The following HIVEP2 variants were observed in gnomAD, a reference collection of about 807,000 sequenced individuals.
HIVEP2 encodes HIVEP zinc finger 2.
In HIVEP2, 14 loss-of-function variants were observed where a neutral mutation model predicts 180.7. The observed-to-expected ratio is 0.08, with a 90% CI of 0.05 to 0.12. The LOEUF is 0.12. Ranked by LOEUF, HIVEP2 falls within the 10% of genes least tolerant of loss-of-function variation. HIVEP2 has a pLI of 1.00. For synonymous variants in HIVEP2, 1,184 were observed against 1,136.4 expected (o/e 1.04, Z -0.84); for missense variants, 2,579 against 3,008.5 (o/e 0.86, Z 3.34).
chr6:142,768,292 G>T, intron 6 of HIVEP2, 90 bp downstream of exon 6: 4 of 1,241,544 alleles, frequency 3.2e-6, no homozygotes, highest in South Asian at 1.5e-5. Context: ...CTTTCAACCA[G>T]ATTAGACAGT....
At chr6:142,763,031 G>T (rs1018090506) in intron 7 of HIVEP2, among the ~76,000 whole-genome samples, 14 of 152,208 alleles carry the variant, frequency 9.2e-5, no homozygotes, top group African/African-American at 3.1e-4. Flanking sequence ...CGCTATGGAT[G>T]TGTATAGGTA....
chr6:142,901,113 T>A (rs1257446700), intron 1 of HIVEP2, among the ~76,000 whole-genome samples: 2 of 152,234 alleles, frequency 1.3e-5, no homozygotes, highest in African/African-American at 4.8e-5. Context: ...TCATAGAAGC[T>A]GCTAGCAAAC....
chr6:142,822,866 T>C (rs1777077178), intron 2 of HIVEP2, among the ~76,000 whole-genome samples: 1 of 152,166 alleles, frequency 6.6e-6, no homozygotes, highest in Non-Finnish European at 1.5e-5. Context: ...GGAAATGAGT[T>C]ACCCAAACAC....
chr6:142,813,397 TC>T (rs1296968401), intron 2 of HIVEP2, among the ~76,000 whole-genome samples: 1 of 152,180 alleles, frequency 6.6e-6, no homozygotes, highest in Non-Finnish European at 1.5e-5. Context: ...ATTCTGAAAA[TC>T]ATTCACACTT....
chr6:142,910,526 C>T (rs1310839913), intron 1 of HIVEP2, among the ~76,000 whole-genome samples: 1 of 152,192 alleles, frequency 6.6e-6, no homozygotes, highest in African/African-American at 2.4e-5. Flanking sequence ...TGTTTGAACC[C>T]GGCAGGCAGA....
At chr6:142,879,096 T>C (rs1776519438) in intron 1 of HIVEP2, among the ~76,000 whole-genome samples, 1 of 152,160 alleles carries the variant, frequency 6.6e-6, no homozygotes, top group African/African-American at 2.4e-5. Context: ...GAGTCATTGG[T>C]AAATTACGAA....
Position 142,768,675 on chromosome 6 carries a change from A to G in HIVEP2, c.5188-139T>C, listed in dbSNP as rs115374917. 2.1e-3 allele frequency: 1,468 copies of G among 709,546 alleles called. 15 individuals are homozygous for G. In the African/African-American group the frequency reaches 0.024, roughly 11 times the overall value. 44.0% of individuals were successfully genotyped at this position (709,546 alleles called of 1,614,324 possible). On this transcript the variant is annotated intron_variant, in intron 5 of 9. Coordinates refer to ENST00000367603, the MANE Select transcript of HIVEP2 (RefSeq NM_006734.4). ...CAGGAACTAGTTATATAAAATAAGG[A>G]CCACTAGGGATAAAATCAGATAAGA...
intron 1 of HIVEP2, among the ~76,000 whole-genome samples, chr6:142,839,442 A>G (rs1042499072): frequency 1.3e-5 from 2 of 152,094 alleles, no homozygotes; most frequent in African/African-American, 4.8e-5. Flanking sequence ...AAATCTAAGG[A>G]CATCTGACCT....
At chr6:142,936,296 G>A (rs1036215197) in intron 1 of HIVEP2, among the ~76,000 whole-genome samples, 5 of 151,578 alleles carry the variant, frequency 3.3e-5, no homozygotes, top group Admixed American at 6.6e-5. Context: ...GGGTTCAGGC[G>A]ATTCTCCTGT....
chr6:142,862,473 TTATAA>T (rs1776006930), intron 1 of HIVEP2, among the ~76,000 whole-genome samples: 1 of 138,074 alleles, frequency 7.2e-6, no homozygotes, highest in African/African-American at 2.6e-5. Flanking sequence ...ATCATATATT[TTATAA>T]TACATATAAT....
intron 1 of HIVEP2, among the ~76,000 whole-genome samples, chr6:142,904,499 C>G (rs1777214804): frequency 6.6e-6 from 1 of 152,130 alleles, no homozygotes; most frequent in African/African-American, 2.4e-5. Flanking sequence ...GGTGCAGTAT[C>G]AGAGGTGAAT....
intron 7 of HIVEP2, among the ~76,000 whole-genome samples, chr6:142,764,560 C>T (rs1420697045): frequency 1.3e-5 from 2 of 152,198 alleles, no homozygotes; most frequent in Non-Finnish European, 2.9e-5. Flanking sequence ...TAGCCACTTC[C>T]TTTGGAGACA....
At chr6:142,850,595 T>C (rs1775623087) in intron 1 of HIVEP2, among the ~76,000 whole-genome samples, 1 of 152,142 alleles carries the variant, frequency 6.6e-6, no homozygotes. Context: ...CACTGAAAAA[T>C]ATCAAAACTA....
rs144732790 is a variant in HIVEP2, at chr6:142,753,495, G to A, written c.6953C>T (p.Thr2318Ile). 6.2e-7 allele frequency: 1 copy of A among 1,614,148 alleles called. No individual in the cohort carries two copies. Among genetic ancestry groups the A allele is most frequent in the Non-Finnish European group, 8.5e-7 (1 of 1,180,048 alleles). ...QSTSEDSLNA[T>I]EREQEENIQT... ...TATATTTTCCTCCTGTTCCCGCTCT[G>A]TTGCGTTTAGGCTGTCTTCCGAAGT... Residue 2318 changes from threonine (T) to isoleucine (I), a missense_variant, in exon 10 of 10, where the codon ACA becomes ATA. By Grantham distance (89) the Thr-to-Ile change is moderately conservative. Transcript: ENST00000367603.
intron 2 of HIVEP2, among the ~76,000 whole-genome samples, chr6:142,792,144 A>C (rs1776153047): frequency 1.3e-5 from 2 of 152,190 alleles, no homozygotes; most frequent in Non-Finnish European, 2.9e-5. Flanking sequence ...TGGCAGACAC[A>C]GAGAGACATC....
At chr6:142,831,729 T>C (rs558516896) in intron 2 of HIVEP2, among the ~76,000 whole-genome samples, 2 of 152,352 alleles carry the variant, frequency 1.3e-5, no homozygotes, top group East Asian at 3.9e-4. Flanking sequence ...AGGGGTTTGT[T>C]ACTCTTTTAC....
At chr6:142,795,175 C>T (rs1309719194) in intron 2 of HIVEP2, among the ~76,000 whole-genome samples, 1 of 151,826 alleles carries the variant, frequency 6.6e-6, no homozygotes, top group Non-Finnish European at 1.5e-5. Context: ...AGTTATTTGC[C>T]CTGAAAAATT....
chr6:142,760,483 G>A lies in HIVEP2; in HGVS notation c.5805C>T (p.Ser1935=). The change falls in exon 9 of 10, where the codon AGC becomes AGT. Residue 1935 remains serine, a synonymous_variant. Transcript: ENST00000367603. ...GDLTPKTRSR[S]TSPQPPRFSS... is the part of the protein sequence containing the mutation. ...AGAATCTAGGAGGCTGAGGACTGGT[G>A]CTTCTTGATCTTGTTTTTGGTGTTA... 4 of 1,614,132 alleles carry A rather than the reference G, an allele frequency of 2.5e-6. No individual in the cohort carries two copies. The highest frequency in any genetic ancestry group is 3.4e-6 in the Non-Finnish European group (4 of 1,180,016).
chr6:142,840,220 C>G, intron 1 of HIVEP2, among the ~76,000 whole-genome samples: 1 of 152,140 alleles, frequency 6.6e-6, no homozygotes, highest in East Asian at 1.9e-4. Context: ...GACATCTTAA[C>G]TATTTTGTAG....
Sources: allele counts gnomAD v4.1 joint callset (sites outside exome capture counted in the v4.1 genomes callset), GRCh38; gene constraint gnomAD v4.1.1; transcripts MANE v1.5; gene names NCBI Gene and HGNC (gene_info 2026-07-23, HGNC 2026-07-21).